Variants in EDIL3 observed in about 807,000 individuals in gnomAD.
EDIL3 encodes the protein EGF-like repeat and discoidin I-like domain-containing protein 3.
EDIL3 carries 37 observed loss-of-function variants against 67.4 expected under a neutral mutation model. That is an observed-to-expected ratio of 0.55 (90% CI 0.42 to 0.72). The LOEUF is 0.72. Among genes scored for constraint, EDIL3 ranks in the 30% least tolerant of loss-of-function variants. The pLI is 0.00. For missense variants in EDIL3, 527 were observed against 586.3 expected, an observed-to-expected ratio of 0.90 and a Z score of 1.04; for synonymous variants, 195 against 196.3, an observed-to-expected ratio of 0.99 and a Z score of 0.05.
intron 9 of EDIL3, among the ~76,000 whole-genome samples, chr5:83,984,820 G>A (rs1745030911): frequency 6.6e-6 from 1 of 152,010 alleles, no homozygotes; most frequent in Admixed American, 6.6e-5. Flanking sequence ...TTCACACTCA[G>A]CTCTGCCTAG....
chr5:84,135,603 G>A (rs757854901), intron 5 of EDIL3, among the ~76,000 whole-genome samples: 19 of 152,292 alleles, frequency 1.2e-4, no homozygotes, highest in Middle Eastern at 3.4e-3. Context: ...CCTGGGACAG[G>A]CCAAAGAGAA....
chr5:84,349,848 C>T (rs560463202), intron 1 of EDIL3, among the ~76,000 whole-genome samples: 1 of 152,032 alleles, frequency 6.6e-6, no homozygotes, highest in Non-Finnish European at 1.5e-5. Flanking sequence ...GTACAAATAT[C>T]TTAGCAAATA....
intron 3 of EDIL3, among the ~76,000 whole-genome samples, chr5:84,223,621 G>A (rs916820156): frequency 2.0e-5 from 3 of 151,560 alleles, no homozygotes; most frequent in African/African-American, 7.2e-5. Flanking sequence ...ACTGGGGTGG[G>A]TGTAAGGAAT....
chr5:83,962,214 T>C (rs1744616344), intron 10 of EDIL3, among the ~76,000 whole-genome samples: 1 of 151,466 alleles, frequency 6.6e-6, no homozygotes. Context: ...GCAATAACCA[T>C]AAGGAAGTAA....
intron 3 of EDIL3, among the ~76,000 whole-genome samples, chr5:84,217,481 T>C (rs1744251723): frequency 6.6e-6 from 1 of 152,150 alleles, no homozygotes; most frequent in Non-Finnish European, 1.5e-5. Context: ...CTACAATCAG[T>C]TGACTTTAAG....
intron 3 of EDIL3, among the ~76,000 whole-genome samples, chr5:84,212,434 A>G (rs1382371365): frequency 1.3e-5 from 2 of 152,204 alleles, no homozygotes; most frequent in Non-Finnish European, 2.9e-5. Context: ...CCTCTGTTCT[A>G]TTCCTTCTTT....
chr5:84,129,434 AT>A (rs1747921786), intron 5 of EDIL3, among the ~76,000 whole-genome samples: 4 of 152,056 alleles, frequency 2.6e-5, no homozygotes, highest in African/African-American at 9.7e-5. Flanking sequence ...TTTAAATGTT[AT>A]GCACCTCAGA....
chr5:84,341,939 T>C (rs1336855700), intron 1 of EDIL3, among the ~76,000 whole-genome samples: 5 of 152,034 alleles, frequency 3.3e-5, no homozygotes, highest in Non-Finnish European at 1.5e-5. Context: ...AAATAACTTA[T>C]CACATGAGAT....
chr5:84,169,139 C>G (rs1054474020), intron 4 of EDIL3, among the ~76,000 whole-genome samples: 1 of 151,946 alleles, frequency 6.6e-6, no homozygotes, highest in South Asian at 2.1e-4. Context: ...AGCACTCACG[C>G]CCCTTTGTTC....
intron 1 of EDIL3, among the ~76,000 whole-genome samples, chr5:84,292,342 A>G (rs1561247796): frequency 6.6e-6 from 1 of 152,144 alleles, no homozygotes; most frequent in Non-Finnish European, 1.5e-5. Flanking sequence ...TGTTTTCTGA[A>G]TAAGATATTA....
chr5:84,269,651 C>T (rs1745423892), intron 1 of EDIL3, among the ~76,000 whole-genome samples: 1 of 152,068 alleles, frequency 6.6e-6, no homozygotes, highest in African/African-American at 2.4e-5. Context: ...TAGGAATAAA[C>T]AATAAAGTCA....
Position 84,034,479 on chromosome 5 carries a change from A to C in EDIL3, c.1137+25821T>G, listed in dbSNP as rs564127204. Among the ~76,000 whole-genome samples, 43 of 152,288 alleles carry C rather than the reference A, an allele frequency of 2.8e-4. No homozygotes were observed. The East Asian group carries it at 7.9e-3, about 28-fold the overall frequency. On this transcript the variant is annotated intron_variant, in intron 9 of 10. Transcript: ENST00000296591. The stretch of plus-strand genomic sequence containing the variant: ...AGGCTTCCTTCAGTGTAGTCATGAA[A>C]ATAATCACTATATCACAGTCAACTC...
chr5:83,954,203 A>G (rs750669854), intron 10 of EDIL3, among the ~76,000 whole-genome samples: 3 of 151,668 alleles, frequency 2.0e-5, no homozygotes, highest in Non-Finnish European at 4.4e-5. Context: ...TTTTTTTATC[A>G]TATAATAAAC....
At chr5:84,124,799 C>T (rs2112302397) in intron 5 of EDIL3, among the ~76,000 whole-genome samples, 1 of 152,050 alleles carries the variant, frequency 6.6e-6, no homozygotes. Context: ...CTCACCAAAG[C>T]TCCTATGACA....
intron 9 of EDIL3, among the ~76,000 whole-genome samples, chr5:84,041,228 C>A (rs1392009832): frequency 6.6e-6 from 1 of 151,738 alleles, no homozygotes; most frequent in East Asian, 1.9e-4. Context: ...TTGAACATCA[C>A]CTTGCACAAG....
At chr5:84,100,598 G>C (rs983184913) in intron 6 of EDIL3, among the ~76,000 whole-genome samples, 2 of 152,048 alleles carry the variant, frequency 1.3e-5, no homozygotes, top group Non-Finnish European at 2.9e-5. Flanking sequence ...GGGAGGGATC[G>C]CATTAGGAGA....
chr5:84,230,526 G>A (rs919843832), intron 2 of EDIL3, among the ~76,000 whole-genome samples: 1 of 151,796 alleles, frequency 6.6e-6, no homozygotes, highest in East Asian at 1.9e-4. Flanking sequence ...TCCTGTCTCA[G>A]CCTCCTGAGT....
chr5:83,998,838 G>T (rs1277425917), intron 9 of EDIL3, among the ~76,000 whole-genome samples: 1 of 152,200 alleles, frequency 6.6e-6, no homozygotes, highest in African/African-American at 2.4e-5. Context: ...CTGGCACTGA[G>T]TACTGTGCCA....
In EDIL3 at chr5:84,066,436, T is replaced by G. The variant is rs1478139028; in HGVS notation, c.807+15A>C. 8.2e-6 allele frequency: 13 copies of G among 1,578,976 alleles called. No homozygotes were observed. The highest frequency in any genetic ancestry group is 1.0e-5 in the Non-Finnish European group (12 of 1,168,392). Reference sequence around the variant, plus strand: ...ACATTTTTCTTTTAAATTAAGTAGGTTAAATTATTCTTACCATGTCTTCAT... The same window carrying G: ...ACATTTTTCTTTTAAATTAAGTAGGGTAAATTATTCTTACCATGTCTTCAT... On this transcript the variant is annotated intron_variant, in intron 7 of 10. Transcript: ENST00000296591.
Sources: allele counts gnomAD v4.1 joint callset (sites outside exome capture counted in the v4.1 genomes callset), GRCh38; gene constraint gnomAD v4.1.1; transcripts MANE v1.5; gene names NCBI Gene and HGNC (gene_info 2026-07-23, HGNC 2026-07-21).